The following SAMD12 variants were observed in gnomAD, a reference collection of about 807,000 sequenced individuals.
SAMD12 encodes the protein sterile alpha motif domain containing 12.
SAMD12 carries 9 observed loss-of-function variants against 15.0 expected under a neutral mutation model. That is an observed-to-expected ratio of 0.60 (90% CI 0.36 to 1.05). The LOEUF is 1.05. SAMD12 is among the 50% of genes least tolerant of loss of function. SAMD12 has a pLI of 0.01. For synonymous variants in SAMD12, 86 were observed against 90.1 expected, an observed-to-expected ratio of 0.96 and a Z score of 0.25; for missense variants, 230 against 234.2, an observed-to-expected ratio of 0.98 and a Z score of 0.12.
chr8:118,242,587 G>C (rs927551510), intron 4 of SAMD12, among the ~76,000 whole-genome samples: 12 of 151,944 alleles, frequency 7.9e-5, no homozygotes, highest in Admixed American at 1.3e-4. Flanking sequence ...GTATTCTGAG[G>C]AACAAACATA....
At chr8:118,544,719 C>T (rs911934276) in intron 2 of SAMD12, among the ~76,000 whole-genome samples, 3 of 152,154 alleles carry the variant, frequency 2.0e-5, no homozygotes. Context: ...ACCTTCATTC[C>T]CTGCTAACAA....
intron 4 of SAMD12, among the ~76,000 whole-genome samples, chr8:118,302,769 C>A (rs546523026): frequency 6.6e-6 from 1 of 152,248 alleles, no homozygotes; most frequent in East Asian, 1.9e-4. Flanking sequence ...CTTAATGCTT[C>A]TGGGAAAAAG....
chr8:118,501,358 A>G (rs559666014), intron 2 of SAMD12, among the ~76,000 whole-genome samples: 1 of 152,354 alleles, frequency 6.6e-6, no homozygotes, highest in South Asian at 2.1e-4. Context: ...GTGATGTAAT[A>G]CATATGTTAA....
intron 1 of SAMD12, among the ~76,000 whole-genome samples, chr8:118,587,165 ATAGG>A (rs1378893811): frequency 1.7e-4 from 26 of 152,342 alleles, no homozygotes; most frequent in African/African-American, 6.0e-4. Context: ...TAGAATTGAG[ATAGG>A]TTATTTCAAA....
chr8:118,533,180 C>T (rs1490293243), intron 2 of SAMD12, among the ~76,000 whole-genome samples: 1 of 152,092 alleles, frequency 6.6e-6, no homozygotes, highest in East Asian at 1.9e-4. Context: ...TTATTTCTGC[C>T]TTCATTTCGT....
intron 4 of SAMD12, among the ~76,000 whole-genome samples, chr8:118,317,228 C>G (rs923778153): frequency 6.6e-6 from 1 of 152,178 alleles, no homozygotes; most frequent in Non-Finnish European, 1.5e-5. Context: ...CTAAGGTACT[C>G]TGTTGTGGTA....
rs1000239411 is a variant in SAMD12, at chr8:118,434,827, G to A, written c.322+5005C>T. ...TTTTAAAGTGTGCTTCTGGCCGGGC[G>A]CGGTGGCTCACGCCTGTAATCCCAG... On this transcript the variant is annotated intron_variant, in intron 3 of 3. Coordinates refer to ENST00000314727, the MANE Select transcript of SAMD12 (RefSeq NM_207506.3). 2.4e-4 allele frequency among the ~76,000 whole-genome samples: 6 copies of A among 25,314 alleles called. 1 individual carries two copies. The highest frequency in any genetic ancestry group is 5.0e-4 in the African/African-American group (6 of 11,974). The allele number at this position is 25,314 out of a possible 152,430, so 16.6% of individuals were successfully genotyped here.
the SAMD12 span, among the ~76,000 whole-genome samples, chr8:118,165,614 GTA>G: frequency 0.59 from 71,051 of 120,114 alleles, 20,634 homozygotes; most frequent in Middle Eastern, 0.68. Flanking sequence ...ATATATATAT[GTA>G]TATATATATA....
chr8:118,418,643 C>A (rs1016621862), intron 3 of SAMD12, among the ~76,000 whole-genome samples: 7 of 151,456 alleles, frequency 4.6e-5, no homozygotes, highest in African/African-American at 1.7e-4. Context: ...GGCATGAACC[C>A]GGGAAGTGGA....
chr8:118,403,237 A>T (rs182232821), intron 3 of SAMD12, among the ~76,000 whole-genome samples: 13 of 152,344 alleles, frequency 8.5e-5, no homozygotes, highest in Non-Finnish European at 1.2e-4. Context: ...GCTAATGAAA[A>T]CAAAGAGAAA....
chr8:118,291,200 CT>C (rs1814345422), intron 4 of SAMD12: 1 of 152,148 alleles, frequency 6.6e-6, no homozygotes, highest in African/African-American at 2.4e-5. Flanking sequence ...TACACCTTTT[CT>C]TTTTTCTTTA....
At chr8:118,179,378 G>A in the SAMD12 span, among the ~76,000 whole-genome samples, 2 of 151,268 alleles carry the variant, frequency 1.3e-5, no homozygotes, top group Non-Finnish European at 2.9e-5. Flanking sequence ...CAGAGGTTGC[G>A]GTGAGCCGAA....
Position 118,465,337 on chromosome 8 carries a change from C to T in SAMD12, c.193-25376G>A, listed in dbSNP as rs117967593. ...CTCAACTTTTTTTTTGCTCTGGTAC[C>T]ATGATGAACAAGCAACATTTATTTT... On this transcript the variant is annotated intron_variant, in intron 2 of 3. Transcript: ENST00000314727. Among the ~76,000 whole-genome samples, 7 of 152,192 alleles carry T rather than the reference C, an allele frequency of 4.6e-5. No individual in the cohort carries two copies. The East Asian group carries it at 9.7e-4, about 21-fold the overall frequency.
At chr8:118,417,551 C>A (rs1454933785) in intron 3 of SAMD12, among the ~76,000 whole-genome samples, 2 of 152,086 alleles carry the variant, frequency 1.3e-5, no homozygotes, top group Admixed American at 6.6e-5. Flanking sequence ...AATGAATGAT[C>A]TGTAAATTAG....
chr8:118,346,015 T>A (rs539605972), intron 4 of SAMD12, among the ~76,000 whole-genome samples: 1 of 152,302 alleles, frequency 6.6e-6, no homozygotes, highest in Admixed American at 6.5e-5. Flanking sequence ...CGCAGCAGCC[T>A]ACTTGCTCTC....
the SAMD12 span, among the ~76,000 whole-genome samples, chr8:118,158,688 C>T: frequency 6.6e-6 from 1 of 152,202 alleles, no homozygotes; most frequent in African/African-American, 2.4e-5. Flanking sequence ...ACTTATGGTG[C>T]ATTTTCCAGG....
At chr8:118,440,697 A>ACACAAAC (rs1563861873) in intron 2 of SAMD12, among the ~76,000 whole-genome samples, 1 of 52,368 alleles carries the variant, frequency 1.9e-5, no homozygotes, top group Non-Finnish European at 4.5e-5. Flanking sequence ...CACACACACA[A>ACACAAAC]ACACACACAC....
chr8:118,248,986 T>A (rs1010188122), intron 4 of SAMD12, among the ~76,000 whole-genome samples: 1 of 152,008 alleles, frequency 6.6e-6, no homozygotes, highest in African/African-American at 2.4e-5. Context: ...GAGTCATTGA[T>A]CCCCCACGGA....
intron 2 of SAMD12, among the ~76,000 whole-genome samples, chr8:118,459,756 C>G (rs967858178): frequency 6.6e-5 from 10 of 152,216 alleles, no homozygotes; most frequent in African/African-American, 2.4e-4. Context: ...GTACCGTTCT[C>G]TGTAGAATAA....
Sources: allele counts gnomAD v4.1 joint callset (sites outside exome capture counted in the v4.1 genomes callset), GRCh38; gene constraint gnomAD v4.1.1; transcripts MANE v1.5; gene names NCBI Gene and HGNC (gene_info 2026-07-23, HGNC 2026-07-21).